Variants in ADGB observed in about 807,000 individuals in gnomAD.
ADGB encodes the protein calpain-7-like protein.
A neutral mutation model predicts 210.5 loss-of-function variants in ADGB; 172 were observed. That is an observed-to-expected ratio of 0.82 (90% CI 0.72 to 0.93). ADGB has a LOEUF of 0.93. ADGB is among the 40% of genes least tolerant of loss of function. The probability of loss-of-function intolerance (pLI) is 0.00; values close to 1 mark genes in which losing one functional copy is unlikely to be tolerated. For missense variants in ADGB, 2,025 were observed against 1,964.8 expected (o/e 1.03, Z -0.58); for synonymous variants, 658 against 662.7 (o/e 0.99, Z 0.11).
In ADGB at chr6:146,764,074, G is replaced by T; in HGVS notation, c.3724G>T (p.Glu1242Ter). The T allele has an allele frequency of 6.5e-7, 1 of 1,550,118 alleles. No homozygotes were observed. Among genetic ancestry groups the T allele is most frequent in the South Asian group, 1.2e-5 (1 of 83,932 alleles). ...EEETTSTPTR[E>*]DSSSTPLQNY... is the part of the protein sequence containing the mutation. ...GGAAACTACCAGTACACCCACTAGA[G>T]AAGACAGTTCCAGCACACCACTGCA... The change falls in exon 28 of 36, where the codon GAA becomes TAA. Residue 1242 changes from glutamate (E) to a stop codon, truncating the protein, a stop_gained. Transcript: ENST00000397944. LOFTEE classifies it high-confidence loss of function.
Position 146,723,864 on chromosome 6 carries a change from T to A in ADGB, c.2096-322T>A, listed in dbSNP as rs550315124. Among the ~76,000 whole-genome samples, 14 of 152,372 alleles carry A rather than the reference T, an allele frequency of 9.2e-5. No homozygotes were observed. In the East Asian group the frequency reaches 2.3e-3, roughly 25 times the overall value. ...TCCTTTAAAATTGTATCTAGAAGGA[T>A]ATTGTAGTTATTACCATAGAGATAA... On this transcript the variant is annotated intron_variant, in intron 17 of 35. Transcript: ENST00000397944.
At chr6:146,800,372 G>A (rs1213150539) in intron 33 of ADGB, among the ~76,000 whole-genome samples, 1 of 152,262 alleles carries the variant, frequency 6.6e-6, no homozygotes, top group African/African-American at 2.4e-5. Context: ...AGAACACAAA[G>A]TGACTATTAT....
At chr6:146,663,645 T>C (rs1003020231) in intron 5 of ADGB, among the ~76,000 whole-genome samples, 2 of 152,098 alleles carry the variant, frequency 1.3e-5, no homozygotes, top group African/African-American at 4.8e-5. Flanking sequence ...ATGTTCAATA[T>C]AGATATACAT....
At position 146,799,759 on chromosome 6, in the gene ADGB, T is replaced by C. The variant is rs536309015; in HGVS notation, c.4538-1424T>C. On this transcript the variant is annotated intron_variant, in intron 33 of 35. Transcript: ENST00000397944. Reference sequence around the variant, plus strand: ...GGGGGATATGGGATATCTCTGTATGTACTTCCTCTCAATTTTACTGTGAAA... The same window carrying C: ...GGGGGATATGGGATATCTCTGTATGCACTTCCTCTCAATTTTACTGTGAAA... 1.1e-4 allele frequency among the ~76,000 whole-genome samples: 17 copies of C among 152,214 alleles called. No individual in the cohort carries two copies. The South Asian group carries it at 3.5e-3, about 32-fold the overall frequency.
At position 146,663,032 on chromosome 6, in the gene ADGB, ATCT is replaced by A. The variant is rs201382457; in HGVS notation, c.613-1167_613-1165del. ...ATATATATCTTCATAATTTTATATAATCTTAATAATATAGATCAAAATAATCTT... is the reference window on the plus strand; with the variant it reads ...ATATATATCTTCATAATTTTATATAATAATAATATAGATCAAAATAATCTT... On this transcript the variant is annotated intron_variant, in intron 5 of 35. Transcript: ENST00000397944. Among the ~76,000 whole-genome samples, 429 of 144,528 alleles carry A rather than the reference ATCT, an allele frequency of 3.0e-3. 20 individuals carry two copies. In the East Asian group the frequency reaches 0.08, roughly 27 times the overall value. 94.8% of individuals were successfully genotyped at this position (144,528 alleles called of 152,430 possible).
chr6:146,813,293 A>T (rs1218956040), intron 35 of ADGB, among the ~76,000 whole-genome samples: 7 of 151,758 alleles, frequency 4.6e-5, no homozygotes, highest in African/African-American at 1.7e-4. Flanking sequence ...ACTTTAAGGC[A>T]TGTTCTTCTG....
At position 146,721,496 on chromosome 6, in the gene ADGB, GA is replaced by G; in HGVS notation, c.2087del (p.Glu696GlyfsTer5). Reference sequence around the variant, plus strand: ...CTTTTCTGCATTGGTACGCTGGGGGGAGTATGGAGGTAAGAGGGCTCTGAGA... The same window carrying G: ...CTTTTCTGCATTGGTACGCTGGGGGGGTATGGAGGTAAGAGGGCTCTGAGA... ...VCFSALVRWG[E>X]YGALTKDSPP... is the part of the protein sequence containing the mutation. On this transcript the variant is annotated frameshift_variant, in exon 17 of 36. Transcript: ENST00000397944. LOFTEE classifies it high-confidence loss of function. 6.5e-7 allele frequency: 1 copy of G among 1,543,646 alleles called. No individual in the cohort carries two copies. The highest frequency in any genetic ancestry group is 8.8e-7 in the Non-Finnish European group (1 of 1,139,732).
intron 9 of ADGB, among the ~76,000 whole-genome samples, chr6:146,678,763 A>G (rs927871347): frequency 1.3e-5 from 2 of 152,196 alleles, no homozygotes; most frequent in Admixed American, 1.3e-4. Flanking sequence ...ATATTATCCA[A>G]TGCATATCCT....
intron 1 of ADGB, among the ~76,000 whole-genome samples, chr6:146,608,229 G>T (rs562920396): frequency 4.8e-4 from 72 of 151,248 alleles, no homozygotes; most frequent in African/African-American, 1.7e-3. Flanking sequence ...GTTTTTTTTT[G>T]TATTTCTGCA....
rs113822656 is a variant in ADGB at position 146,629,936 on chromosome 6, G to A, written c.75-5439G>A. ...AAAGAATAACAATACCTATAAATGTGTGTATAAAGAAAAAAGCTGGCTAGG... is the reference window on the plus strand; with the variant it reads ...AAAGAATAACAATACCTATAAATGTATGTATAAAGAAAAAAGCTGGCTAGG... On this transcript the variant is annotated intron_variant, in intron 1 of 35. Transcript: ENST00000397944. 2.8e-3 allele frequency among the ~76,000 whole-genome samples: 431 copies of A among 152,186 alleles called. 4 individuals carry two copies. The highest frequency in any genetic ancestry group is 9.8e-3 in the African/African-American group (409 of 41,530).
intron 35 of ADGB, chr6:146,803,063 G>T: frequency 6.4e-7 from 1 of 1,553,004 alleles, no homozygotes; most frequent in Middle Eastern, 2.1e-4. Flanking sequence ...AGTCTACACA[G>T]CAGCCAAGTG....
intron 8 of ADGB, among the ~76,000 whole-genome samples, chr6:146,672,811 A>G (rs1042524552): frequency 6.6e-6 from 1 of 151,386 alleles, no homozygotes; most frequent in African/African-American, 2.4e-5. Flanking sequence ...GCTCACTGCA[A>G]CCTTCATCTC....
At chr6:146,657,342 G>GAAAT (rs1473177484) in intron 5 of ADGB, among the ~76,000 whole-genome samples, 2 of 151,398 alleles carry the variant, frequency 1.3e-5, no homozygotes, top group East Asian at 3.9e-4. Context: ...AAGAAAGAAA[G>GAAAT]AAAGAGAGAG....
chr6:146,654,001 G>A (rs1775740253), intron 3 of ADGB, 134 bp from the exon 4 acceptor site: 2 of 456,134 alleles, frequency 4.4e-6, no homozygotes, highest in African/African-American at 4.0e-5. Context: ...TACTGCTCAA[G>A]GTCATTGCCA....
intron 13 of ADGB, among the ~76,000 whole-genome samples, chr6:146,710,928 C>T (rs191227232): frequency 2.6e-5 from 4 of 152,216 alleles, no homozygotes; most frequent in South Asian, 2.1e-4. Context: ...GTTTCTCCCT[C>T]GGCACCTGTG....
chr6:146,599,097 A>G lies in ADGB; in HGVS notation c.57A>G (p.Gly19=). The change falls in exon 1 of 36, where the codon GGA becomes GGG. Residue 19 remains glycine, a synonymous_variant. Transcript: ENST00000397944. The part of the protein sequence containing the change: ...KEVHRINSAH[G]SDKSKDFYPF... ...TGCATCGTATCAACTCGGCGCACGGATCGGATAAATCGAAAGAGTAAGGGA... is the reference window on the plus strand; with the variant it reads ...TGCATCGTATCAACTCGGCGCACGGGTCGGATAAATCGAAAGAGTAAGGGA... 6.4e-7 allele frequency: 1 copy of G among 1,551,724 alleles called. No individual in the cohort carries two copies. The highest frequency in any genetic ancestry group is 8.7e-7 in the Non-Finnish European group (1 of 1,146,962).
chr6:146,654,062 TA>T (rs1183682557), intron 3 of ADGB, 72 bp from the exon 4 acceptor site: 1 of 1,082,720 alleles, frequency 9.2e-7, no homozygotes, highest in Non-Finnish European at 1.3e-6. Flanking sequence ...ATAAATGGAT[TA>T]AAACTATTTC....
intron 22 of ADGB, among the ~76,000 whole-genome samples, chr6:146,734,585 A>T (rs1333004212): frequency 6.6e-6 from 1 of 152,248 alleles, no homozygotes; most frequent in Non-Finnish European, 1.5e-5. Flanking sequence ...TATGTATATG[A>T]AATAAAATCT....
rs145137998 is a variant in ADGB at position 146,727,428 on chromosome 6, A to T, written c.2353-1146A>T. 2.6e-4 allele frequency among the ~76,000 whole-genome samples: 39 copies of T among 152,304 alleles called. No individual in the cohort carries two copies. The East Asian group carries it at 7.5e-3, about 29-fold the overall frequency. On this transcript the variant is annotated intron_variant, in intron 19 of 35. Coordinates refer to ENST00000397944, the MANE Select transcript of ADGB (RefSeq NM_024694.4). ...ACACAGATCAGCAAGTTCATTTTAG[A>T]CACAGATGTCACTTATTTCCCTAAC... is the stretch of plus-strand genomic sequence containing the variant.
Sources: gnomAD v4.1 joint callset for allele counts (sites outside exome capture counted in the v4.1 genomes callset) on GRCh38, gnomAD v4.1.1 for gene constraint, MANE v1.5 for transcripts, NCBI Gene and HGNC (gene_info 2026-07-23, HGNC 2026-07-21) for gene names.